Variants in CERCAM observed in about 807,000 individuals in gnomAD.
CERCAM encodes the protein cerebral endothelial cell adhesion molecule.
In CERCAM, 59 loss-of-function variants were observed where a neutral mutation model predicts 66.0. That is an observed-to-expected ratio of 0.89 (90% CI 0.73 to 1.11). The LOEUF (loss-of-function observed/expected upper bound fraction) is 1.11. Ranked by LOEUF, CERCAM falls within the 50% of genes most tolerant of loss-of-function variation. The pLI is 0.00. For missense variants in CERCAM, 840 were observed against 828.3 expected (o/e 1.01, Z -0.17); for synonymous variants, 318 against 343.6 (o/e 0.93, Z 0.83).
At chr9:128,421,585 T>C (rs529469895) in intron 1 of CERCAM, 301 of 937,298 alleles carry the variant, frequency 3.2e-4, no homozygotes, top group Admixed American at 3.7e-4. Context: ...GCCCCCGTGC[T>C]GGGGCCAGCT....
intron 5 of CERCAM, among the ~76,000 whole-genome samples, 167 bp from the exon 6 acceptor site, chr9:128,428,135 T>C (rs1028601646): frequency 6.6e-6 from 1 of 152,030 alleles, no homozygotes; most frequent in Admixed American, 6.5e-5. Context: ...ACCCCTTAGA[T>C]ATTGTGTGAG....
Position 128,434,054 on chromosome 9 carries a change from G to A in CERCAM, c.1204-48G>A. The A allele has an allele frequency of 1.2e-6, 2 of 1,605,032 alleles. No homozygotes were observed. Among genetic ancestry groups the A allele is most frequent in the East Asian group, 2.2e-5 (1 of 44,804 alleles). ...GTGAGCTTCAGCGTGGAGGGAGGGG[G>A]GTTGTTTAACTCCGAAGAGCCATCT... On this transcript the variant is annotated intron_variant, in intron 9 of 12. Coordinates refer to ENST00000372838, the MANE Select transcript of CERCAM (RefSeq NM_016174.5). This position sits in a 1 kb window ranked among gnomAD's most constrained non-coding sequence, Gnocchi z 4.5.
Position 128,428,353 on chromosome 9 carries a change from C to G in CERCAM, c.818C>G (p.Pro273Arg), listed in dbSNP as rs753813668. The G allele has an allele frequency of 1.2e-6, 2 of 1,614,078 alleles. No individual in the cohort carries two copies. The highest frequency in any genetic ancestry group is 1.7e-5 in the Admixed American group (1 of 60,008). ...CACCGTTATGGGTACATGAATGTGC[C>G]GGTGAAATCCCACCAGGGGCTGGAA... ...NEHRYGYMNV[P>R]VKSHQGLEDE... The change falls in exon 6 of 13, where the codon CCG (proline) becomes CGG (arginine). Residue 273 changes from proline to arginine, a missense_variant. By Grantham distance (103) the Pro-to-Arg change is moderately radical (BLOSUM62 -2). Transcript: ENST00000372838.
Position 128,434,561 on chromosome 9 carries a change from C to T in CERCAM, c.1483C>T (p.Arg495Cys), listed in dbSNP as rs147760985. Reference sequence around the variant, plus strand: ...GCTGCTGGCCTCACAGCCTCTGCGCCGCATGCTGCCCGTGGACGAGTTCCT... The same window carrying T: ...GCTGCTGGCCTCACAGCCTCTGCGCTGCATGCTGCCCGTGGACGAGTTCCT... ...RKLLASQPLRRMLPVDEFLPI... is the reference protein window; with the variant it reads ...RKLLASQPLRCMLPVDEFLPI... Residue 495 changes from arginine to cysteine, a missense_variant, in exon 11 of 13, where the codon CGC becomes TGC. Arg to Cys is a radical substitution (Grantham distance 180). Coordinates refer to ENST00000372838, the MANE Select transcript of CERCAM (RefSeq NM_016174.5). This position sits in a 1 kb window ranked among gnomAD's most constrained non-coding sequence, Gnocchi z 4.5. 925 of 1,611,780 alleles carry T rather than the reference C, an allele frequency of 5.7e-4. 2 individuals are homozygous for T. The highest frequency in any genetic ancestry group is 1.7e-3 in the African/African-American group (129 of 75,056).
intron 9 of CERCAM, among the ~76,000 whole-genome samples, chr9:128,433,032 C>T (rs1834015384): frequency 6.6e-6 from 1 of 152,120 alleles, no homozygotes; most frequent in South Asian, 2.1e-4. Context: ...GTAATCCCAG[C>T]ACTTTGGGAG....
chr9:128,433,061 C>T (rs868124315), intron 9 of CERCAM, among the ~76,000 whole-genome samples: 4 of 152,024 alleles, frequency 2.6e-5, no homozygotes, highest in Admixed American at 1.3e-4. Flanking sequence ...GGGTGGATCA[C>T]GAGGTCAGGA....
chr9:128,433,871 G>A (rs1179124797), intron 9 of CERCAM, among the ~76,000 whole-genome samples: 1 of 152,186 alleles, frequency 6.6e-6, no homozygotes, highest in African/African-American at 2.4e-5. Flanking sequence ...TAGCACTCAG[G>A]GAATGTAGCA....
In CERCAM at chr9:128,435,851, C is replaced by T. The variant is rs986661949; in HGVS notation, c.1734C>T (p.Asp578=). The T allele has an allele frequency of 9.3e-6, 15 of 1,610,302 alleles. No individual in the cohort carries two copies. The highest frequency in any genetic ancestry group is 2.2e-5 in the East Asian group (1 of 44,832). Residue 578 remains aspartate, a synonymous_variant, in exon 12 of 13, where the codon GAC becomes GAT. Coordinates refer to ENST00000372838, the MANE Select transcript of CERCAM (RefSeq NM_016174.5). ...SQKTLRSPRL[D]LTGSSGHSLQ... Reference sequence around the variant, plus strand: ...AGACCCTGCGCAGCCCCCGCCTGGACCTGACTGGCAGCAGCGGGCACAGCC... The same window carrying T: ...AGACCCTGCGCAGCCCCCGCCTGGATCTGACTGGCAGCAGCGGGCACAGCC...
Position 128,420,888 on chromosome 9 carries a change from C to A in CERCAM, c.11C>A (p.Ala4Asp), listed in dbSNP as rs974652135. 1 of 1,304,568 alleles carries A rather than the reference C, an allele frequency of 7.7e-7. No individual in the cohort carries two copies. The highest frequency in any genetic ancestry group is 3.1e-5 in the East Asian group (1 of 32,130). The allele number at this position is 1,304,568 out of a possible 1,614,324, so 80.8% of individuals were successfully genotyped here. A position where few individuals can be genotyped will look rare whatever the true frequency, so the allele number is the denominator to read the frequency against. Residue 4 changes from alanine to aspartate, a missense_variant, in exon 1 of 13, where the codon GCC (alanine) becomes GAC (aspartate). By Grantham distance (126) the Ala-to-Asp change is moderately radical. Coordinates refer to ENST00000372838, the MANE Select transcript of CERCAM (RefSeq NM_016174.5). This position sits in a 1 kb window ranked among gnomAD's most constrained non-coding sequence, Gnocchi z 5.0. MRA[A>D]RAAPLLQLLL... ...GCCCAAGCGCCCGCCATGCGCGCTG[C>A]CCGCGCCGCGCCGCTGCTCCAGCTG...
At chr9:128,419,272 G>T (rs1317531223), upstream of CERCAM, 2 of 152,302 alleles carry the variant, frequency 1.3e-5, no homozygotes, top group African/African-American at 4.8e-5. Flanking sequence ...TGCTGCCCCT[G>T]CACTAGGTAA....
intron 5 of CERCAM, among the ~76,000 whole-genome samples, chr9:128,427,338 C>G (rs940671331): frequency 6.6e-6 from 1 of 151,942 alleles, no homozygotes; most frequent in Admixed American, 6.6e-5. Context: ...GTCTTGAACT[C>G]CTGACCTCAA....
Position 128,424,503 on chromosome 9 carries a change from G to A in CERCAM, c.655G>A (p.Ala219Thr). ...CCCCATGGTCCACTCCACCTTCCTT[G>A]CATCCCTGCGGGCTGAAGGGGCAGA... ...RVPMVHSTFL[A>T]SLRAEGADQL... The change falls in exon 5 of 13, where the codon GCA (alanine) becomes ACA (threonine). Residue 219 changes from alanine (A) to threonine (T), a missense_variant. By Grantham distance (58) the Ala-to-Thr change is moderately conservative. Coordinates refer to ENST00000372838, the MANE Select transcript of CERCAM (RefSeq NM_016174.5). 1 of 1,613,890 alleles carries A rather than the reference G, an allele frequency of 6.2e-7. No individual in the cohort carries two copies.
chr9:128,435,566 C>T (rs2131345712), intron 11 of CERCAM, 87 bp from the exon 12 acceptor site: 3 of 1,453,042 alleles, frequency 2.1e-6, no homozygotes, highest in Non-Finnish European at 2.8e-6. Context: ...GTGCTTTGGG[C>T]AGGCAAGGTG....
At chr9:128,432,920 G>A (rs1834008412) in intron 9 of CERCAM, among the ~76,000 whole-genome samples, 1 of 151,798 alleles carries the variant, frequency 6.6e-6, no homozygotes, top group South Asian at 2.1e-4. Flanking sequence ...CAGATCACGA[G>A]GTCAGGAGTT....
At chr9:128,433,062 G>A (rs1239212513) in intron 9 of CERCAM, among the ~76,000 whole-genome samples, 4 of 152,000 alleles carry the variant, frequency 2.6e-5, no homozygotes, top group Non-Finnish European at 4.4e-5. Flanking sequence ...GGTGGATCAC[G>A]AGGTCAGGAG....
chr9:128,424,723 C>G (rs1434203528), intron 5 of CERCAM, 109 bp downstream of exon 5: 2 of 1,025,362 alleles, frequency 2.0e-6, no homozygotes, highest in Non-Finnish European at 2.9e-6. Flanking sequence ...TCCTGTTAAC[C>G]CATGAGTTAC....
chr9:128,425,815 CTT>C (rs75397129), intron 5 of CERCAM, among the ~76,000 whole-genome samples: 1,443 of 107,330 alleles, frequency 0.013, 8 homozygotes, highest in African/African-American at 0.019. Flanking sequence ...CCAGCCCAGC[CTT>C]TTTTTTTTTT....
chr9:128,423,439 A>G (rs890797936), intron 3 of CERCAM, among the ~76,000 whole-genome samples, 176 bp downstream of exon 3: 1 of 152,134 alleles, frequency 6.6e-6, no homozygotes, highest in Non-Finnish European at 1.5e-5. Flanking sequence ...CAACATGGTG[A>G]TACCCCATCT....
At chr9:128,428,481 GCCCCTTTCCCT>G (rs2131335542) in intron 6 of CERCAM, 60 bp downstream of exon 6, 10 of 1,597,504 alleles carry the variant, frequency 6.3e-6, no homozygotes, top group Non-Finnish European at 8.5e-6. Context: ...TCCCCACGGT[GCCCCTTTCCCT>G]AGGCCCTGGA....
Sources: allele counts gnomAD v4.1 joint callset (sites outside exome capture counted in the v4.1 genomes callset), GRCh38; gene constraint gnomAD v4.1.1; non-coding constraint Gnocchi (gnomAD v3.1); transcripts MANE v1.5; gene names NCBI Gene and HGNC (gene_info 2026-07-23, HGNC 2026-07-21).